Variants in KCNB2 observed in about 807,000 individuals in gnomAD.
KCNB2 encodes the protein delayed rectifier potassium channel protein.
KCNB2 carries 15 observed loss-of-function variants against 61.5 expected under a neutral mutation model. The ratio of observed to expected loss-of-function variants is 0.24; its 90% confidence interval spans 0.16 to 0.38. The LOEUF (loss-of-function observed/expected upper bound fraction) is 0.38, where lower values mean the gene tolerates loss of function less well. Ranked by LOEUF, KCNB2 falls within the 10% of genes least tolerant of loss-of-function variation. KCNB2 has a pLI of 1.00. For synonymous variants in KCNB2, 457 were observed against 446.0 expected, an observed-to-expected ratio of 1.02 and a Z score of -0.31; for missense variants, 828 against 1,125.2, an observed-to-expected ratio of 0.74 and a Z score of 3.78.
chr8:72,744,753 G>C (rs1808029133), intron 2 of KCNB2, among the ~76,000 whole-genome samples: 1 of 152,102 alleles, frequency 6.6e-6, no homozygotes, highest in South Asian at 2.1e-4. Context: ...AAGTGCCAAG[G>C]ACCTGAAGCG....
rs367786453 is a variant in KCNB2 at position 72,888,863 on chromosome 8, T to A, written c.580-47072T>A. Among the ~76,000 whole-genome samples the A allele has an allele frequency of 1.1e-4, 17 of 152,176 alleles. No individual in the cohort carries two copies. In the East Asian group the frequency reaches 1.9e-3, roughly 17 times the overall value. Reference sequence around the variant, plus strand: ...ACAGTATAAAGAGTACAGGGAGAACTCATTTCTTGGAGCAGATTTTAAATG... The same window carrying A: ...ACAGTATAAAGAGTACAGGGAGAACACATTTCTTGGAGCAGATTTTAAATG... On this transcript the variant is annotated intron_variant, in intron 2 of 2. Coordinates refer to ENST00000523207, the MANE Select transcript of KCNB2 (RefSeq NM_004770.3).
At chr8:72,935,795 A>G (rs1048409622) in intron 2 of KCNB2, 140 bp from the exon 3 acceptor site, 1 of 690,860 alleles carries the variant, frequency 1.4e-6, no homozygotes, top group East Asian at 2.5e-5. Context: ...GGGAATTTTA[A>G]GTTGTAAAAT....
At chr8:72,911,510 G>A (rs2929576) in intron 2 of KCNB2, among the ~76,000 whole-genome samples, 19,555 of 152,202 alleles carry the variant, frequency 0.13, 1,579 homozygotes, top group African/African-American at 0.23. Context: ...CAAATGAATC[G>A]TTTTAGCCAA....
intron 2 of KCNB2, among the ~76,000 whole-genome samples, chr8:72,625,511 G>T (rs368753738): frequency 1.4e-4 from 22 of 152,110 alleles, no homozygotes; most frequent in African/African-American, 4.8e-4. Context: ...GCTCACAGCA[G>T]CCTTGACCTC....
At chr8:72,818,152 G>A (rs577624095) in intron 2 of KCNB2, among the ~76,000 whole-genome samples, 7 of 152,054 alleles carry the variant, frequency 4.6e-5, no homozygotes, top group South Asian at 2.1e-4. Flanking sequence ...CTAGGCAAGG[G>A]AAATTTATCC....
At chr8:72,738,066 T>C (rs1807880641) in intron 2 of KCNB2, among the ~76,000 whole-genome samples, 1 of 152,272 alleles carries the variant, frequency 6.6e-6, no homozygotes, top group East Asian at 1.9e-4. Context: ...TAAACCAATA[T>C]AGTTTTCAGA....
intron 2 of KCNB2, among the ~76,000 whole-genome samples, chr8:72,801,778 A>AG (rs1457895839): frequency 6.6e-6 from 1 of 151,868 alleles, no homozygotes. Context: ...AGAAGCTTGG[A>AG]GGGGGAGTAG....
chr8:72,725,591 G>GTATGTGTA (rs1807631795), intron 2 of KCNB2, among the ~76,000 whole-genome samples: 11 of 51,950 alleles, frequency 2.1e-4, no homozygotes, highest in African/African-American at 5.8e-4. Context: ...ATATATGTAT[G>GTATGTGTA]TATATATATA....
chr8:72,789,919 A>T (rs191299805), intron 2 of KCNB2, among the ~76,000 whole-genome samples: 273 of 152,138 alleles, frequency 1.8e-3, no homozygotes, highest in Admixed American at 4.8e-3. Context: ...TAAGAAAGAG[A>T]TTTGCCAGTA....
intron 2 of KCNB2, among the ~76,000 whole-genome samples, chr8:72,582,608 T>C (rs1252688613): frequency 6.6e-6 from 1 of 152,206 alleles, no homozygotes; most frequent in African/African-American, 2.4e-5. Flanking sequence ...AAATAAGTTC[T>C]TTTTAAAACT....
intron 2 of KCNB2, among the ~76,000 whole-genome samples, chr8:72,740,722 G>A (rs761299961): frequency 6.6e-6 from 1 of 152,102 alleles, no homozygotes; most frequent in African/African-American, 2.4e-5. Flanking sequence ...AAATCCCTCA[G>A]CCTATCTTTA....
chr8:72,806,119 G>GGAGGC (rs1809215902), intron 2 of KCNB2, among the ~76,000 whole-genome samples: 1 of 152,078 alleles, frequency 6.6e-6, no homozygotes, highest in Non-Finnish European at 1.5e-5. Flanking sequence ...TAGCACTTTG[G>GGAGGC]GAGGCCAAGG....
At chr8:72,561,691 T>TTTTATATATATATA (rs1554576093) in intron 1 of KCNB2, among the ~76,000 whole-genome samples, 1 of 19,404 alleles carries the variant, frequency 5.2e-5, no homozygotes, top group South Asian at 1.4e-3. Flanking sequence ...GATCTTACTT[T>TTTTATATATATATA]TATATATATA....
chr8:72,779,530 T>C (rs1325719083), intron 2 of KCNB2, among the ~76,000 whole-genome samples: 3 of 152,198 alleles, frequency 2.0e-5, no homozygotes, highest in African/African-American at 7.2e-5. Context: ...AGTGAGGACA[T>C]GAAAAGAAAA....
intron 2 of KCNB2, among the ~76,000 whole-genome samples, chr8:72,836,554 T>C (rs1809785253): frequency 6.6e-6 from 1 of 152,022 alleles, no homozygotes; most frequent in Admixed American, 6.5e-5. Context: ...TGCCAAAGAG[T>C]AGAAGGTTGC....
chr8:72,819,661 G>A (rs539499093), intron 2 of KCNB2, among the ~76,000 whole-genome samples: 1 of 152,158 alleles, frequency 6.6e-6, no homozygotes, highest in South Asian at 2.1e-4. Flanking sequence ...AATGCTAGGT[G>A]GCACATAGTA....
intron 2 of KCNB2, among the ~76,000 whole-genome samples, chr8:72,770,745 G>T (rs1808544353): frequency 6.6e-6 from 1 of 152,120 alleles, no homozygotes; most frequent in Non-Finnish European, 1.5e-5. Context: ...CTCAATAAAT[G>T]ATCACTATTA....
intron 2 of KCNB2, among the ~76,000 whole-genome samples, chr8:72,692,235 C>CAAAAAAA (rs34131843): frequency 1.3e-5 from 1 of 77,764 alleles, no homozygotes; most frequent in Non-Finnish European, 2.4e-5. Flanking sequence ...GACTCTGTCT[C>CAAAAAAA]AAAAAAAAAA....
intron 2 of KCNB2, among the ~76,000 whole-genome samples, chr8:72,801,768 A>G (rs1393384377): frequency 3.9e-5 from 6 of 152,058 alleles, no homozygotes; most frequent in Non-Finnish European, 2.9e-5. Flanking sequence ...GGTGGCCTGT[A>G]GAAGCTTGGA....
Sources: gnomAD v4.1 joint callset for allele counts (sites outside exome capture counted in the v4.1 genomes callset) on GRCh38, gnomAD v4.1.1 for gene constraint, MANE v1.5 for transcripts, NCBI Gene and HGNC (gene_info 2026-07-23, HGNC 2026-07-21) for gene names.